Variants in ZFYVE28 observed in about 807,000 individuals in gnomAD.
ZFYVE28 encodes the protein lateral signaling target protein 2 homolog.
A neutral mutation model predicts 82.1 loss-of-function variants in ZFYVE28; 40 were observed. The ratio of observed to expected loss-of-function variants is 0.49; its 90% CI spans 0.38 to 0.63. ZFYVE28 has a LOEUF of 0.63. ZFYVE28 is among the 30% of genes least tolerant of loss of function. ZFYVE28 has a pLI of 0.00. For missense variants in ZFYVE28, 1,321 were observed against 1,242.1 expected (o/e 1.06, Z -0.96); for synonymous variants, 612 against 546.1 (o/e 1.12, Z -1.68).
In ZFYVE28 at chr4:2,364,862, G is replaced by A. The variant is rs113691946; in HGVS notation, c.40-10789C>T. The A allele has an allele frequency of 2.0e-5, 20 of 985,498 alleles. No homozygotes were observed. The African/African-American group carries it at 3.0e-4, about 15-fold the overall frequency. The allele number at this position is 985,498 out of a possible 1,614,324, so 61.0% of individuals were successfully genotyped here. ...GCGATAAAACCCCCACGTCGCCGCG[G>A]CAAAGTCGCGAGAGTACCGTGGACC... is the stretch of plus-strand genomic sequence containing the variant. On this transcript the variant is annotated intron_variant, in intron 1 of 12. Coordinates refer to ENST00000290974, the MANE Select transcript of ZFYVE28 (RefSeq NM_020972.3).
chr4:2,325,905 T>A (rs368354751), intron 6 of ZFYVE28, among the ~76,000 whole-genome samples: 1 of 152,168 alleles, frequency 6.6e-6, no homozygotes, highest in Non-Finnish European at 1.5e-5. Context: ...TTACCCATAT[T>A]TTTTTTAATG....
intron 1 of ZFYVE28, among the ~76,000 whole-genome samples, chr4:2,369,912 G>A (rs987930722): frequency 5.5e-5 from 8 of 144,322 alleles, no homozygotes; most frequent in East Asian, 2.0e-4. Flanking sequence ...GTGCAGTGGC[G>A]TGATCTCGGC....
rs1351319571 is a variant in ZFYVE28 at position 2,417,889 on chromosome 4, G to A, written c.39+396C>T. ...GGGGGCATTCCTGGTGCAGGGAGGGGAGACGGAGAAGTAGTAGGGGGTCTG... is the reference window on the plus strand; with the variant it reads ...GGGGGCATTCCTGGTGCAGGGAGGGAAGACGGAGAAGTAGTAGGGGGTCTG... On this transcript the variant is annotated intron_variant, in intron 1 of 12. Transcript: ENST00000290974. The surrounding 1 kb of genome is among the most constrained non-coding windows in gnomAD (Gnocchi z 4.8). Among the ~76,000 whole-genome samples the A allele has an allele frequency of 6.6e-6, 1 of 151,860 alleles. No individual in the cohort carries two copies. Among genetic ancestry groups the A allele is most frequent in the Admixed American group, 6.6e-5 (1 of 15,258 alleles).
chr4:2,279,628 A>C (rs1023617993), intron 8 of ZFYVE28, among the ~76,000 whole-genome samples: 2 of 151,888 alleles, frequency 1.3e-5, no homozygotes, highest in Admixed American at 6.6e-5. Flanking sequence ...AAATACAAAA[A>C]AAATTAGCCA....
rs371205389 is a variant in ZFYVE28 at position 2,304,555 on chromosome 4, G to A, written c.1785C>T (p.Tyr595=). ...CGCTGGCCTTGGCTAAGCCGGCAGCGTACGAGGCACCAATGACGCCTCCCG... is the reference window on the plus strand; with the variant it reads ...CGCTGGCCTTGGCTAAGCCGGCAGCATACGAGGCACCAATGACGCCTCCCG... ...CSPGGVIGAS[Y]AAGLAKASDR... The change falls in exon 8 of 13, where the codon TAC becomes TAT. Residue 595 remains tyrosine (Y), a synonymous_variant. Coordinates refer to ENST00000290974, the MANE Select transcript of ZFYVE28 (RefSeq NM_020972.3). 208 of 1,612,748 alleles carry A rather than the reference G, an allele frequency of 1.3e-4. No individual in the cohort carries two copies. Among genetic ancestry groups the A allele is most frequent in the Middle Eastern group, 3.3e-4 (2 of 6,062 alleles).
chr4:2,364,102 G>A (rs1427401465), intron 1 of ZFYVE28, among the ~76,000 whole-genome samples: 1 of 152,228 alleles, frequency 6.6e-6, no homozygotes, highest in Non-Finnish European at 1.5e-5. Flanking sequence ...GGCCTCCCCA[G>A]GCCTCAGGTC....
Position 2,339,365 on chromosome 4 carries a change from A to C in ZFYVE28, c.521+88T>G. ...GGCTCCTCCCTCTGTGGAATTTTCC[A>C]GCTTGAAGTATCAGGGTGAGCCCCG... On this transcript the variant is annotated intron_variant, in intron 4 of 12. Coordinates refer to ENST00000290974, the MANE Select transcript of ZFYVE28 (RefSeq NM_020972.3). This position sits in a 1 kb window ranked among gnomAD's most constrained non-coding sequence, Gnocchi z 5.0. 1 of 1,446,742 alleles carries C rather than the reference A, an allele frequency of 6.9e-7. No homozygotes were observed. Among genetic ancestry groups the C allele is most frequent in the African/African-American group, 1.4e-5 (1 of 71,590 alleles). 89.6% of individuals were successfully genotyped at this position (1,446,742 alleles called of 1,614,324 possible). A position where few individuals can be genotyped will look rare whatever the true frequency, so the allele number is the denominator to read the frequency against.
In ZFYVE28 at chr4:2,418,148, G is replaced by A; in HGVS notation, c.39+137C>T. 2.9e-6 allele frequency: 2 copies of A among 700,492 alleles called. No homozygotes were observed. The highest frequency in any genetic ancestry group is 4.3e-6 in the Non-Finnish European group (2 of 465,710). 43.4% of individuals were successfully genotyped at this position (700,492 alleles called of 1,614,324 possible). ...AGATCTGTCCAAGTCTTGGAGTGGA[G>A]GGAAGGATGTCGGCGGTGGGGGAAG... On this transcript the variant is annotated intron_variant, in intron 1 of 12. Coordinates refer to ENST00000290974, the MANE Select transcript of ZFYVE28 (RefSeq NM_020972.3). This position sits in a 1 kb window ranked among gnomAD's most constrained non-coding sequence, Gnocchi z 4.6.
At chr4:2,415,739 T>C (rs1182857497) in intron 1 of ZFYVE28, among the ~76,000 whole-genome samples, 2 of 152,172 alleles carry the variant, frequency 1.3e-5, no homozygotes. Flanking sequence ...AGGGGAAGCA[T>C]AAAATTCAAT....
intron 1 of ZFYVE28, among the ~76,000 whole-genome samples, chr4:2,360,389 T>TCACACACACACACA (rs10545681): frequency 1.7e-4 from 25 of 143,384 alleles, no homozygotes; most frequent in East Asian, 8.3e-4. Context: ...AGAGCTGTAA[T>TCACACACACACACA]CACACACACA....
At chr4:2,389,247 TC>T (rs1729579047) in intron 1 of ZFYVE28, among the ~76,000 whole-genome samples, 1 of 152,206 alleles carries the variant, frequency 6.6e-6, no homozygotes, top group Admixed American at 6.5e-5. Context: ...CAGGAGGTGT[TC>T]CGGCTTCCGT....
chr4:2,302,888 A>T (rs1715796420), intron 8 of ZFYVE28, among the ~76,000 whole-genome samples: 1 of 152,196 alleles, frequency 6.6e-6, no homozygotes, highest in Non-Finnish European at 1.5e-5. Context: ...ATGTTTCTCG[A>T]CTTAACCCAT....
rs1578411138 is a variant in ZFYVE28 at position 2,405,696 on chromosome 4, C to T, written c.39+12589G>A. Among the ~76,000 whole-genome samples, 3 of 152,218 alleles carry T rather than the reference C, an allele frequency of 2.0e-5. No individual in the cohort carries two copies. The South Asian group carries it at 6.2e-4, about 32-fold the overall frequency. On this transcript the variant is annotated intron_variant, in intron 1 of 12. Coordinates refer to ENST00000290974, the MANE Select transcript of ZFYVE28 (RefSeq NM_020972.3). ...TGGTCAGGAAGGAGCCAGGTGAGGC[C>T]GACAGCCAGCACTCCTGTCACTGTC...
chr4:2,411,365 A>G (rs114317200), intron 1 of ZFYVE28, among the ~76,000 whole-genome samples: 220 of 152,396 alleles, frequency 1.4e-3, no homozygotes, highest in Middle Eastern at 6.8e-3. Flanking sequence ...ATTAATTACC[A>G]TAACATAAAA....
Position 2,320,404 on chromosome 4 carries a change from G to A in ZFYVE28, c.702-133C>T, listed in dbSNP as rs552094725. On this transcript the variant is annotated intron_variant, in intron 6 of 12. Transcript: ENST00000290974. The surrounding 1 kb of genome is among the most constrained non-coding windows in gnomAD (Gnocchi z 5.1). ...GCGCCACTGTCCCAGCACGGCCGCC[G>A]CCTCATGCTTTGCCTTGTGTGATTG... 2.7e-5 allele frequency: 18 copies of A among 664,434 alleles called. No individual in the cohort carries two copies. The highest frequency in any genetic ancestry group is 1.6e-4 in the South Asian group (8 of 48,942). The allele number at this position is 664,434 out of a possible 1,614,324, so 41.2% of individuals were successfully genotyped here.
At position 2,291,640 on chromosome 4, in the gene ZFYVE28, A is replaced by G. The variant is rs1577926691; in HGVS notation, c.2051+12649T>C. On this transcript the variant is annotated intron_variant, in intron 8 of 12. Transcript: ENST00000290974. ...GGACAGGGCTGGGGGTCCTGGGGTC[A>G]GGAGAGCGGGAACTGAGAGCTGCAC... Among the ~76,000 whole-genome samples, 4 of 152,298 alleles carry G rather than the reference A, an allele frequency of 2.6e-5. No homozygotes were observed. The East Asian group carries it at 7.7e-4, about 29-fold the overall frequency.
rs1030808312 is a variant in ZFYVE28 at position 2,335,381 on chromosome 4, T to C, written c.701+324A>G. Among the ~76,000 whole-genome samples, 3 of 152,160 alleles carry C rather than the reference T, an allele frequency of 2.0e-5. No individual in the cohort carries two copies. Among genetic ancestry groups the C allele is most frequent in the Non-Finnish European group, 4.4e-5 (3 of 68,010 alleles). Reference sequence around the variant, plus strand: ...CACTCTGTTCCGAGCATGACCCCTGTGTGACCCTCATGGTCTCCTGTGACT... The same window carrying C: ...CACTCTGTTCCGAGCATGACCCCTGCGTGACCCTCATGGTCTCCTGTGACT... On this transcript the variant is annotated intron_variant, in intron 6 of 12. Coordinates refer to ENST00000290974, the MANE Select transcript of ZFYVE28 (RefSeq NM_020972.3). The surrounding 1 kb of genome is among the most constrained non-coding windows in gnomAD (Gnocchi z 5.8).
At chr4:2,385,729 CAAAACAAAA>C (rs1273303708) in intron 1 of ZFYVE28, among the ~76,000 whole-genome samples, 5 of 151,164 alleles carry the variant, frequency 3.3e-5, no homozygotes, top group African/African-American at 9.9e-5. Flanking sequence ...TCCCTTCTCA[CAAAACAAAA>C]AAAACAAAAA....
Position 2,304,326 on chromosome 4 carries a change from A to C in ZFYVE28, c.2014T>G (p.Ser672Ala), listed in dbSNP as rs661301. The C allele has an allele frequency of 6.2e-7, 1 of 1,601,614 alleles. No homozygotes were observed. Among genetic ancestry groups the C allele is most frequent in the Non-Finnish European group, 8.5e-7 (1 of 1,178,034 alleles). Residue 672 changes from serine to alanine, a missense_variant, in exon 8 of 13, where the codon TCG becomes GCG. This residue lies in a region of ZFYVE28 where 978 missense variants were observed against 833.7 expected (regional missense o/e 1.17). Transcript: ENST00000290974. ...EARELHAGSP[S>A]AHEAPQALSG... is the part of the protein sequence containing the mutation. ...AGGGCCTGAGGCGCCTCGTGAGCCG[A>C]GGGGCTCCCAGCATGCAGCTCTCTG...
Sources: gnomAD v4.1 joint callset for allele counts (sites outside exome capture counted in the v4.1 genomes callset) on GRCh38, gnomAD v4.1.1 for gene constraint, gnomAD v4.1.1 regional missense constraint, Gnocchi (gnomAD v3.1) non-coding constraint, MANE v1.5 for transcripts, NCBI Gene and HGNC (gene_info 2026-07-23, HGNC 2026-07-21) for gene names.